The following SLC25A21 variants were observed in gnomAD, a reference collection of about 807,000 sequenced individuals.
SLC25A21 encodes solute carrier family 25 member 21.
SLC25A21 carries 47 observed loss-of-function variants against 43.8 expected under a neutral mutation model. The observed-to-expected ratio is 1.07, with a 90% CI of 0.85 to 1.37. The LOEUF is 1.37. Among genes scored for constraint, SLC25A21 ranks in the 40% most tolerant of loss-of-function variants. SLC25A21 has a pLI of 0.00. For synonymous variants in SLC25A21, 131 were observed against 121.3 expected (o/e 1.08, Z -0.52); for missense variants, 352 against 350.2 (o/e 1.00, Z -0.04).
At chr14:36,972,120 T>C (rs1378476486) in intron 1 of SLC25A21, among the ~76,000 whole-genome samples, 1 of 152,230 alleles carries the variant, frequency 6.6e-6, no homozygotes, top group Non-Finnish European at 1.5e-5. Context: ...GATACACACA[T>C]ACATACCATT....
chr14:36,764,075 A>AGAAAGAAAGAAAGAAAGAAG (rs1594565691), intron 3 of SLC25A21, among the ~76,000 whole-genome samples: 1 of 28,664 alleles, frequency 3.5e-5, no homozygotes, highest in Non-Finnish European at 5.4e-5. Context: ...AAAGAAAGAA[A>AGAAAGAAAGAAAGAAAGAAG]GAAAGAAGGA....
intron 3 of SLC25A21, among the ~76,000 whole-genome samples, chr14:36,756,333 CT>C (rs1206672251): frequency 6.6e-6 from 1 of 152,190 alleles, no homozygotes; most frequent in Non-Finnish European, 1.5e-5. Flanking sequence ...AGGGGATTGC[CT>C]GGCTATGTAC....
intron 1 of SLC25A21, among the ~76,000 whole-genome samples, chr14:36,896,763 G>C (rs761680714): frequency 1.3e-5 from 2 of 152,130 alleles, no homozygotes; most frequent in African/African-American, 4.8e-5. Flanking sequence ...GCATTTGCTT[G>C]TCTGTAAAGT....
At chr14:36,959,016 C>A (rs1464892576) in intron 1 of SLC25A21, among the ~76,000 whole-genome samples, 1 of 152,150 alleles carries the variant, frequency 6.6e-6, no homozygotes, top group African/African-American at 2.4e-5. Flanking sequence ...CCTATTCAAG[C>A]ATGGAAGGAG....
At chr14:36,959,291 G>C (rs1032117106) in intron 1 of SLC25A21, among the ~76,000 whole-genome samples, 2 of 152,136 alleles carry the variant, frequency 1.3e-5, no homozygotes, top group Non-Finnish European at 2.9e-5. Context: ...TTGACTGTTA[G>C]ATCCCCATTA....
intron 1 of SLC25A21, among the ~76,000 whole-genome samples, chr14:36,981,386 C>T (rs905465514): frequency 6.6e-6 from 1 of 152,202 alleles, no homozygotes; most frequent in Admixed American, 6.5e-5. Flanking sequence ...GACACATGCA[C>T]ACGTATGTTT....
chr14:36,838,536 T>C (rs565383028), intron 2 of SLC25A21, among the ~76,000 whole-genome samples: 1 of 152,288 alleles, frequency 6.6e-6, no homozygotes, highest in African/African-American at 2.4e-5. Context: ...TGCCAAGCCA[T>C]AGCCTACTTG....
chr14:36,830,463 CT>C (rs539792512), intron 2 of SLC25A21, among the ~76,000 whole-genome samples: 14 of 149,392 alleles, frequency 9.4e-5, no homozygotes, highest in South Asian at 2.1e-4. Context: ...ATTTTAAGAG[CT>C]TTTTTTTTTC....
At chr14:36,684,314 G>C (rs1325002334) in intron 8 of SLC25A21, among the ~76,000 whole-genome samples, 2 of 152,116 alleles carry the variant, frequency 1.3e-5, no homozygotes, top group Admixed American at 6.5e-5. Context: ...CAGAAAGTAA[G>C]ATTTAAAAGA....
chr14:36,842,504 C>A (rs960560965), intron 2 of SLC25A21, among the ~76,000 whole-genome samples: 5 of 152,160 alleles, frequency 3.3e-5, no homozygotes, highest in African/African-American at 1.2e-4. Flanking sequence ...ACAAAGGCTA[C>A]AGAAGCCATA....
rs867863693 is a variant in SLC25A21, at chr14:36,734,574, C to T, written c.204-1G>A. ...AATTCCCTTGTAAAAACCAAATAAC[C>T]TGTTGGAGAAATAAAAGATTTCCTA... On this transcript the variant is annotated splice_acceptor_variant, in intron 3 of 9. Coordinates refer to ENST00000331299, the MANE Select transcript of SLC25A21 (RefSeq NM_030631.4). LOFTEE classifies it high-confidence loss of function. The T allele has an allele frequency of 6.3e-7, 1 of 1,599,802 alleles. No homozygotes were observed.
At chr14:36,764,085 AAGGAAGGAAGGAAGGAAG>A (rs1566587648) in intron 3 of SLC25A21, among the ~76,000 whole-genome samples, 10 of 55,644 alleles carry the variant, frequency 1.8e-4, no homozygotes, top group Admixed American at 4.7e-4. Flanking sequence ...AGAAAGAAGG[AAGGAAGGAAGGAAGGAAG>A]GAAGGAAGGA....
intron 2 of SLC25A21, among the ~76,000 whole-genome samples, chr14:36,848,010 G>A (rs1276962642): frequency 6.6e-6 from 1 of 152,170 alleles, no homozygotes; most frequent in Non-Finnish European, 1.5e-5. Flanking sequence ...GGGATGAGAA[G>A]GCAGATTTGG....
At chr14:36,854,816 A>G (rs942532698) in intron 2 of SLC25A21, among the ~76,000 whole-genome samples, 2 of 152,052 alleles carry the variant, frequency 1.3e-5, no homozygotes, top group Non-Finnish European at 2.9e-5. Flanking sequence ...TATCAACAAA[A>G]GGAAACCAGG....
chr14:36,834,695 C>T (rs1435730843), intron 2 of SLC25A21, among the ~76,000 whole-genome samples: 1 of 152,150 alleles, frequency 6.6e-6, no homozygotes, highest in Non-Finnish European at 1.5e-5. Flanking sequence ...GCCTCACTTC[C>T]TTTTACTCTT....
intron 1 of SLC25A21, among the ~76,000 whole-genome samples, chr14:37,001,818 A>T (rs2138725786): frequency 6.6e-6 from 1 of 152,222 alleles, no homozygotes; most frequent in Middle Eastern, 3.4e-3. Flanking sequence ...ATTTTACTCA[A>T]CATCTTTTCC....
chr14:37,015,046 T>TTAG (rs1273572823), intron 1 of SLC25A21, among the ~76,000 whole-genome samples: 1 of 152,024 alleles, frequency 6.6e-6, no homozygotes, highest in Non-Finnish European at 1.5e-5. Context: ...TTCTTTATTA[T>TTAG]TATTATTATT....
At chr14:37,078,621 G>C (rs888434587) in intron 1 of SLC25A21, among the ~76,000 whole-genome samples, 1 of 152,116 alleles carries the variant, frequency 6.6e-6, no homozygotes, top group African/African-American at 2.4e-5. Context: ...CCACACACCT[G>C]TGAAATCAGA....
At chr14:36,955,265 G>C (rs1291653525) in intron 1 of SLC25A21, among the ~76,000 whole-genome samples, 1 of 152,146 alleles carries the variant, frequency 6.6e-6, no homozygotes, top group African/African-American at 2.4e-5. Context: ...TTGCTCAAGA[G>C]GTTATAATAA....
Sources: gnomAD v4.1 joint callset for allele counts (sites outside exome capture counted in the v4.1 genomes callset) on GRCh38, gnomAD v4.1.1 for gene constraint, MANE v1.5 for transcripts, NCBI Gene and HGNC (gene_info 2026-07-23, HGNC 2026-07-21) for gene names.